The following THAP1 variants were observed in gnomAD, a reference collection of about 807,000 sequenced individuals.
THAP1 encodes THAP domain containing 1.
A neutral mutation model predicts 18.2 loss-of-function variants in THAP1; 6 were observed. The ratio of observed to expected loss-of-function variants is 0.33; its 90% CI spans 0.18 to 0.65. The LOEUF (loss-of-function observed/expected upper bound fraction) is 0.65. Ranked by LOEUF, THAP1 falls within the 30% of genes least tolerant of loss-of-function variation. THAP1 has a pLI of 0.74. For synonymous variants in THAP1, 85 were observed against 90.5 expected (o/e 0.94, Z 0.34); for missense variants, 176 against 253.0 (o/e 0.70, Z 2.06).
chr8:42,838,555 T>C (rs1396821521), intron 2 of THAP1, among the ~76,000 whole-genome samples: 1 of 152,024 alleles, frequency 6.6e-6, no homozygotes, highest in African/African-American at 2.4e-5. Flanking sequence ...GATGTGGTGG[T>C]GCACGCCTAT....
intron 2 of THAP1, among the ~76,000 whole-genome samples, chr8:42,838,691 A>T (rs531198311): frequency 6.6e-6 from 1 of 152,276 alleles, no homozygotes; most frequent in Non-Finnish European, 1.5e-5. Flanking sequence ...TCCAAAAAAT[A>T]AATAAATAAA....
chr8:42,838,484 T>C, intron 2 of THAP1, 148 bp from the exon 3 acceptor site: 1 of 1,031,258 alleles, frequency 9.7e-7, no homozygotes, highest in Admixed American at 2.4e-5. Flanking sequence ...GTCAGGAGTT[T>C]GAGACCAGCC....
chr8:42,842,920 C>CCCGCCCCTCGCGCGGACACGCGCCTGGCT, intron 1 of THAP1, 104 bp downstream of exon 1: 1 of 912,234 alleles, frequency 1.1e-6, no homozygotes, highest in South Asian at 4.7e-5. Context: ...CCAGACCCCA[C>CCCGCCCCTCGCGCGGACACGCGCCTGGCT]CCGCCCCTCG....
chr8:42,840,612 T>C (rs1802698591), intron 1 of THAP1, among the ~76,000 whole-genome samples: 1 of 152,208 alleles, frequency 6.6e-6, no homozygotes, highest in African/African-American at 2.4e-5. Flanking sequence ...CTTTTCTTTG[T>C]ACGACATAGC....
At chr8:42,841,991 AAATT>A (rs1400980781) in intron 1 of THAP1, among the ~76,000 whole-genome samples, 4 of 152,226 alleles carry the variant, frequency 2.6e-5, no homozygotes, top group Non-Finnish European at 5.9e-5. Flanking sequence ...GCAAAAAAAT[AAATT>A]AACTGAAAAG....
chr8:42,843,323 T>C lies in THAP1; in HGVS notation c.-229A>G, dbSNP rs759487512. On this transcript the variant is annotated 5_prime_UTR_variant, in exon 1 of 3. Transcript: ENST00000254250. ...CCATCTCCAAGATGGCGGAGGCAGC[T>C]TCAACCTCACCTCTCGCGAGGGGTG... is the stretch of plus-strand genomic sequence containing the variant. The C allele has an allele frequency of 3.3e-6, 2 of 601,368 alleles. No homozygotes were observed. The highest frequency in any genetic ancestry group is 3.7e-5 in the African/African-American group (2 of 54,172). 37.3% of individuals were successfully genotyped at this position (601,368 alleles called of 1,614,324 possible).
Position 42,837,790 on chromosome 8 carries a change from C to T in THAP1, c.*172G>A, listed in dbSNP as rs918985241. ...TTAAAATGTAAAAAACCTGAAATTA[C>T]AAACAAAAAAATTTATAATTTTACA... On this transcript the variant is annotated 3_prime_UTR_variant, in exon 3 of 3. Transcript: ENST00000254250. 2.2e-5 allele frequency: 13 copies of T among 598,374 alleles called. No homozygotes were observed. Among genetic ancestry groups the T allele is most frequent in the Non-Finnish European group, 2.9e-5 (12 of 414,300 alleles). The allele number at this position is 598,374 out of a possible 1,614,324, so 37.1% of individuals were successfully genotyped here.
chr8:42,842,812 G>C (rs533999489), intron 1 of THAP1: 3 of 214,180 alleles, frequency 1.4e-5, no homozygotes, highest in Admixed American at 1.2e-4. Context: ...TGTTCCAGGA[G>C]CGCGAGAAAC....
In THAP1 at chr8:42,843,111, C is replaced by G; in HGVS notation, c.-17G>C. On this transcript the variant is annotated 5_prime_UTR_variant, in exon 1 of 3. Coordinates refer to ENST00000254250, the MANE Select transcript of THAP1 (RefSeq NM_018105.3). The stretch of plus-strand genomic sequence containing the variant: ...CTGCACCATCCTTCCGGTCCTCAGG[C>G]ACTTCACTTCTGCCGCCGCAGAAGG... The G allele has an allele frequency of 6.2e-7, 1 of 1,613,440 alleles. No homozygotes were observed. The highest frequency in any genetic ancestry group is 8.5e-7 in the Non-Finnish European group (1 of 1,179,652).
Position 42,838,261 on chromosome 8 carries a change from C to G in THAP1, c.343G>C (p.Ala115Pro), listed in dbSNP as rs761376417. ...LPPPVSQVDA[A>P]IGLLMPPLQT... ...AGAGGCGGCATTAGTAATCCAATAG[C>G]AGCATCAACCTGGGAAACAGGAGGC... is the stretch of plus-strand genomic sequence containing the variant. The change falls in exon 3 of 3, where the codon GCT becomes CCT. Residue 115 changes from alanine to proline, a missense_variant. Coordinates refer to ENST00000254250, the MANE Select transcript of THAP1 (RefSeq NM_018105.3). The G allele has an allele frequency of 8.1e-6, 13 of 1,613,968 alleles. No homozygotes were observed. In the East Asian group the frequency reaches 1.8e-4, roughly 22 times the overall value.
chr8:42,843,262 T>C lies in THAP1; in HGVS notation c.-168A>G. The C allele has an allele frequency of 1.3e-6, 1 of 771,592 alleles. No homozygotes were observed. The highest frequency in any genetic ancestry group is 1.7e-5 in the African/African-American group (1 of 58,292). 47.8% of individuals were successfully genotyped at this position (771,592 alleles called of 1,614,324 possible). ...TGACTAGTGTGCCCGTTTTGTTGTTTGCATTAGCAGAAGGACCACAGCCAT... is the reference window on the plus strand; with the variant it reads ...TGACTAGTGTGCCCGTTTTGTTGTTCGCATTAGCAGAAGGACCACAGCCAT... On this transcript the variant is annotated 5_prime_UTR_variant, in exon 1 of 3. Coordinates refer to ENST00000254250, the MANE Select transcript of THAP1 (RefSeq NM_018105.3).
chr8:42,838,622 G>C (rs528665742), intron 2 of THAP1, among the ~76,000 whole-genome samples: 1 of 152,068 alleles, frequency 6.6e-6, no homozygotes, highest in African/African-American at 2.4e-5. Context: ...GGGAGGCGGA[G>C]GTTGCAGTGA....
At chr8:42,840,922 G>A (rs1802704770) in intron 1 of THAP1, among the ~76,000 whole-genome samples, 1 of 146,286 alleles carries the variant, frequency 6.8e-6, no homozygotes, top group African/African-American at 2.6e-5. Flanking sequence ...AGCTGAGATC[G>A]TGCCACTGCA....
Position 42,843,132 on chromosome 8 carries a change from GA to G in THAP1, c.-39del. The G allele has an allele frequency of 6.2e-7, 1 of 1,611,762 alleles. No individual in the cohort carries two copies. Among genetic ancestry groups the G allele is most frequent in the Non-Finnish European group, 8.5e-7 (1 of 1,178,180 alleles). On this transcript the variant is annotated 5_prime_UTR_variant, in exon 1 of 3. Coordinates refer to ENST00000254250, the MANE Select transcript of THAP1 (RefSeq NM_018105.3). ...CAGGCACTTCACTTCTGCCGCCGCA[GA>G]AGGCAGGGGAAGCTGTTCTCAGTGT...
intron 2 of THAP1, 92 bp from the exon 3 acceptor site, chr8:42,838,428 A>G (rs1802656276): frequency 1.3e-6 from 2 of 1,520,992 alleles, no homozygotes; most frequent in Non-Finnish European, 1.8e-6. Flanking sequence ...GCTCATGCCT[A>G]TAATCCTAGT....
At position 42,838,190 on chromosome 8, in the gene THAP1, A is replaced by G. The variant is rs995458029; in HGVS notation, c.414T>C (p.Thr138=). The change falls in exon 3 of 3, where the codon ACT becomes ACC. Residue 138 remains threonine (T), a synonymous_variant. Transcript: ENST00000254250. ...NLSVFCDHNY[T]VEDTMHQRKR... ...TCCGCTGGTGCATTGTATCCTCCAC[A>G]GTATAGTTGTGGTCACAGAAAACTG... The G allele has an allele frequency of 6.2e-7, 1 of 1,614,092 alleles. No individual in the cohort carries two copies. Among genetic ancestry groups the G allele is most frequent in the Admixed American group, 1.7e-5 (1 of 60,002 alleles).
chr8:42,840,629 C>T (rs545007718), intron 1 of THAP1, among the ~76,000 whole-genome samples: 128 of 152,274 alleles, frequency 8.4e-4, no homozygotes, highest in African/African-American at 2.8e-3. Flanking sequence ...TAGCACTCTC[C>T]GCTGCCACTA....
At position 42,843,210 on chromosome 8, in the gene THAP1, TA is replaced by T. The variant is rs1304045585; in HGVS notation, c.-117del. The T allele has an allele frequency of 7.7e-6, 10 of 1,294,778 alleles. No individual in the cohort carries two copies. The highest frequency in any genetic ancestry group is 1.0e-5 in the Non-Finnish European group (9 of 898,074). The allele number at this position is 1,294,778 out of a possible 1,614,324, so 80.2% of individuals were successfully genotyped here. A position where few individuals can be genotyped will look rare whatever the true frequency, so the allele number is the denominator to read the frequency against. Reference sequence around the variant, plus strand: ...TTCTTTTGTAGCTTTGGCCAACAGTTACAGTGATGGTGGCCTCCCTCGGGGG... The same window carrying T: ...TTCTTTTGTAGCTTTGGCCAACAGTTCAGTGATGGTGGCCTCCCTCGGGGG... On this transcript the variant is annotated 5_prime_UTR_variant, in exon 1 of 3. Coordinates refer to ENST00000254250, the MANE Select transcript of THAP1 (RefSeq NM_018105.3).
rs758926260 is a variant in THAP1, at chr8:42,838,172, G to T, written c.432C>A (p.His144Gln). Residue 144 changes from histidine (H) to glutamine (Q), a missense_variant, in exon 3 of 3, where the codon CAC becomes CAA. Physicochemically the swap from His to Gln is conservative, Grantham distance 24. Transcript: ENST00000254250. ...DHNYTVEDTM[H>Q]QRKRIHQLEQ... is the part of the protein sequence containing the mutation. ...CTAGCTGATGAATCCTTTTCCGCTGGTGCATTGTATCCTCCACAGTATAGT... is the reference window on the plus strand; with the variant it reads ...CTAGCTGATGAATCCTTTTCCGCTGTTGCATTGTATCCTCCACAGTATAGT... The T allele has an allele frequency of 1.9e-6, 3 of 1,614,052 alleles. No individual in the cohort carries two copies. In the South Asian group the frequency reaches 3.3e-5, roughly 18 times the overall value.
Sources: allele counts gnomAD v4.1 joint callset (sites outside exome capture counted in the v4.1 genomes callset), GRCh38; gene constraint gnomAD v4.1.1; transcripts MANE v1.5; gene names NCBI Gene and HGNC (gene_info 2026-07-23, HGNC 2026-07-21).